Variants in PRRG1 observed in about 807,000 individuals in gnomAD.
PRRG1 encodes the protein transmembrane gamma-carboxyglutamic acid protein 1.
A neutral mutation model predicts 11.8 loss-of-function variants in PRRG1; 5 were observed. The observed-to-expected ratio is 0.42, with a 90% CI of 0.22 to 0.89. The LOEUF (loss-of-function observed/expected upper bound fraction) is 0.89, where lower values mean the gene tolerates loss of function less well. Ranked by LOEUF, PRRG1 falls within the 40% of genes least tolerant of loss-of-function variation. PRRG1 has a pLI of 0.28. For synonymous variants in PRRG1, 66 were observed against 60.4 expected, an observed-to-expected ratio of 1.09 and a Z score of -0.43; for missense variants, 155 against 166.1, an observed-to-expected ratio of 0.93 and a Z score of 0.37.
chrX:37,415,338 G>C (rs1360085336), intron 2 of PRRG1, among the ~76,000 whole-genome samples: 6 of 111,244 alleles, frequency 5.4e-5, no homozygotes, highest in Non-Finnish European at 1.1e-4. Flanking sequence ...AACCTGGGAG[G>C]CAGAGGTTGC....
intron 1 of PRRG1, among the ~76,000 whole-genome samples, chrX:37,385,016 A>G (rs1931280383): frequency 8.9e-6 from 1 of 112,102 alleles, no homozygotes; most frequent in Non-Finnish European, 1.9e-5. Flanking sequence ...AAACAGATAC[A>G]TAGTTTCATC....
At position 37,452,215 on chromosome X, in the gene PRRG1, A is replaced by G. The variant is rs782517966; in HGVS notation, c.172-921A>G. 4.5e-5 allele frequency among the ~76,000 whole-genome samples: 5 copies of G among 112,244 alleles called. No homozygotes were observed. The South Asian group carries it at 1.9e-3, about 42-fold the overall frequency. ...TTTGAAGCAGAGATTTGATTATAAT[A>G]TATAAAATTAATTATAATCACTAAT... is the stretch of plus-strand genomic sequence containing the variant. On this transcript the variant is annotated intron_variant, in intron 3 of 3. Transcript: ENST00000378628.
chrX:37,419,782 G>A (rs1556386374), intron 2 of PRRG1, among the ~76,000 whole-genome samples: 1 of 111,456 alleles, frequency 9.0e-6, no homozygotes, highest in Non-Finnish European at 1.9e-5. Flanking sequence ...TTAGTCAGGT[G>A]CAATCAGCCT....
At chrX:37,379,878 T>A (rs1556373381) in intron 1 of PRRG1, among the ~76,000 whole-genome samples, 3 of 111,275 alleles carry the variant, frequency 2.7e-5, no homozygotes, top group Non-Finnish European at 5.7e-5. Flanking sequence ...ATAGGCCAAG[T>A]CATGGCCTCC....
intron 2 of PRRG1, 119 bp downstream of exon 2, chrX:37,406,378 T>C: frequency 1.3e-6 from 1 of 758,689 alleles, no homozygotes; most frequent in Non-Finnish European, 1.9e-6. Context: ...CTTGTTAGTG[T>C]TAGAAAGTTT....
chrX:37,372,498 G>A (rs1482531496), intron 1 of PRRG1, among the ~76,000 whole-genome samples: 1 of 111,560 alleles, frequency 9.0e-6, no homozygotes, highest in African/African-American at 3.3e-5. Flanking sequence ...TAGAGACAGG[G>A]TTTCACCATG....
intron 1 of PRRG1, among the ~76,000 whole-genome samples, chrX:37,381,990 T>C (rs2014973107): frequency 9.0e-6 from 1 of 111,694 alleles, no homozygotes; most frequent in African/African-American, 3.2e-5. Flanking sequence ...CCCTTTCTTC[T>C]CAAGCTTCCC....
intron 1 of PRRG1, among the ~76,000 whole-genome samples, chrX:37,396,775 A>AT (rs1197525218): frequency 1.8e-5 from 2 of 111,407 alleles, no homozygotes; most frequent in African/African-American, 6.5e-5. Flanking sequence ...TCGTTTGCCA[A>AT]TTTTTTTCTC....
intron 1 of PRRG1, among the ~76,000 whole-genome samples, chrX:37,363,122 G>A (rs148444818): frequency 0.019 from 2,173 of 111,464 alleles, 54 homozygotes; most frequent in African/African-American, 0.067. Context: ...AAGATATATG[G>A]CTTTTATCTC....
intron 2 of PRRG1, among the ~76,000 whole-genome samples, chrX:37,409,890 G>A (rs1433319729): frequency 8.9e-6 from 1 of 112,091 alleles, no homozygotes; most frequent in Non-Finnish European, 1.9e-5. Context: ...TACAGTTTAG[G>A]TGAGAAATTA....
chrX:37,357,074 C>G (rs1930258797), intron 1 of PRRG1, among the ~76,000 whole-genome samples: 2 of 111,849 alleles, frequency 1.8e-5, no homozygotes, highest in Admixed American at 1.9e-4. Context: ...TTCAACTGCC[C>G]TTCCTTCCAG....
chrX:37,388,287 C>T (rs896249229), intron 1 of PRRG1, among the ~76,000 whole-genome samples: 2 of 112,605 alleles, frequency 1.8e-5, no homozygotes, highest in Non-Finnish European at 3.8e-5. Context: ...CCTCTTCTCA[C>T]AGGTCTACTA....
intron 1 of PRRG1, among the ~76,000 whole-genome samples, chrX:37,383,342 C>A (rs1377232844): frequency 9.1e-6 from 1 of 109,669 alleles, no homozygotes; most frequent in East Asian, 2.8e-4. Context: ...CTTTATTGAA[C>A]ATGTAAATCT....
intron 1 of PRRG1, among the ~76,000 whole-genome samples, chrX:37,398,973 G>A: frequency 9.0e-6 from 1 of 111,544 alleles, no homozygotes; most frequent in East Asian, 2.8e-4. Flanking sequence ...AAGAAATATG[G>A]GACTATGTGA....
At chrX:37,381,487 G>T (rs782476790) in intron 1 of PRRG1, among the ~76,000 whole-genome samples, 2 of 110,944 alleles carry the variant, frequency 1.8e-5, no homozygotes, top group Non-Finnish European at 3.8e-5. Context: ...TGGGCAACTG[G>T]TTTATTTTTA....
At chrX:37,409,787 G>A (rs1243443314) in intron 2 of PRRG1, among the ~76,000 whole-genome samples, 1 of 111,800 alleles carries the variant, frequency 8.9e-6, no homozygotes, top group Non-Finnish European at 1.9e-5. Context: ...ATCATACAGA[G>A]GGACACAGAG....
At chrX:37,436,125 C>T (rs1379012887) in intron 3 of PRRG1, among the ~76,000 whole-genome samples, 4 of 111,925 alleles carry the variant, frequency 3.6e-5, no homozygotes, top group Non-Finnish European at 5.6e-5. Flanking sequence ...CTAAAGAAAG[C>T]AGTTTAGCTA....
At chrX:37,352,926 A>G (rs1930119685) in intron 1 of PRRG1, among the ~76,000 whole-genome samples, 1 of 112,127 alleles carries the variant, frequency 8.9e-6, no homozygotes, top group African/African-American at 3.2e-5. Context: ...TCACAGTGCA[A>G]TGCATTACAG....
At chrX:37,409,124 A>G (rs1266534586) in intron 2 of PRRG1, among the ~76,000 whole-genome samples, 1 of 112,127 alleles carries the variant, frequency 8.9e-6, no homozygotes, top group Non-Finnish European at 1.9e-5. Flanking sequence ...CCAATAATAT[A>G]AACAATTGAT....
Sources: gnomAD v4.1 joint callset for allele counts (sites outside exome capture counted in the v4.1 genomes callset) on GRCh38, gnomAD v4.1.1 for gene constraint, MANE v1.5 for transcripts, NCBI Gene and HGNC (gene_info 2026-07-23, HGNC 2026-07-21) for gene names.